IFIH1: variants seen among roughly 807,000 people sequenced by gnomAD.
IFIH1 encodes the protein interferon induced with helicase C domain 1.
Under a neutral mutation model 107.4 loss-of-function variants are expected in IFIH1, and 125 were observed. The observed-to-expected ratio is 1.16, with a 90% CI of 1.01 to 1.35. The LOEUF is 1.35. Ranked by LOEUF, IFIH1 falls within the 40% of genes most tolerant of loss-of-function variation. The probability of loss-of-function intolerance (pLI) is 0.00; values close to 1 mark genes in which losing one functional copy is unlikely to be tolerated. For missense variants in IFIH1, 1,333 were observed against 1,213.7 expected (o/e 1.10, Z -1.46); for synonymous variants, 458 against 413.2 (o/e 1.11, Z -1.31).
intron 4 of IFIH1, among the ~76,000 whole-genome samples, chr2:162,289,657 A>T (rs1319901985): frequency 1.3e-5 from 2 of 151,932 alleles, no homozygotes; most frequent in Admixed American, 1.3e-4. Context: ...ACTTGTTGTG[A>T]TAGTACTATC....
In IFIH1 at chr2:162,276,601, T is replaced by C. The variant is rs575601378; in HGVS notation, c.2304+86A>G. ...GCCTGAGTGACAGAGCGAGGCCTCGTCTGAAAGAAAAGAAGAAGAGAAGAA... is the reference window on the plus strand; with the variant it reads ...GCCTGAGTGACAGAGCGAGGCCTCGCCTGAAAGAAAAGAAGAAGAGAAGAA... On this transcript the variant is annotated intron_variant, in intron 11 of 15. Transcript: ENST00000649979. 1.2e-5 allele frequency: 17 copies of C among 1,444,430 alleles called. No homozygotes were observed. The African/African-American group carries it at 2.4e-4, about 21-fold the overall frequency. 89.5% of individuals were successfully genotyped at this position (1,444,430 alleles called of 1,614,324 possible). A position where few individuals can be genotyped will look rare whatever the true frequency, so the allele number is the denominator to read the frequency against.
Position 162,318,544 on chromosome 2 carries a change from C to T in IFIH1, c.-237G>A. ...GGCAGCGGGGCGGCGCGCGGGGCCG[C>T]GGCAGGCAGGTGCGGCCGGCAGGCG... is the stretch of plus-strand genomic sequence containing the variant. On this transcript the variant is annotated 5_prime_UTR_variant, in exon 1 of 16. Transcript: ENST00000649979. 3.5e-6 allele frequency: 1 copy of T among 286,614 alleles called. No homozygotes were observed. The highest frequency in any genetic ancestry group is 6.4e-6 in the Non-Finnish European group (1 of 157,274). 17.8% of individuals were successfully genotyped at this position (286,614 alleles called of 1,614,324 possible).
chr2:162,291,570 G>T (rs1199469493), intron 4 of IFIH1, among the ~76,000 whole-genome samples: 2 of 151,588 alleles, frequency 1.3e-5, no homozygotes, highest in Non-Finnish European at 3.0e-5. Context: ...GTCTACTATG[G>T]CATAACACTT....
chr2:162,268,425 C>T (rs1690969571), intron 13 of IFIH1, 148 bp from the exon 14 acceptor site: 4 of 558,882 alleles, frequency 7.2e-6, no homozygotes, highest in South Asian at 5.3e-5. Context: ...GAGGTAATGA[C>T]CCCCCAAAGA....
intron 3 of IFIH1, among the ~76,000 whole-genome samples, chr2:162,297,324 G>A (rs1221010624): frequency 2.0e-5 from 3 of 152,088 alleles, no homozygotes; most frequent in Admixed American, 6.6e-5. Context: ...AAGTCCTAAT[G>A]AATAAAGTCC....
intron 1 of IFIH1, among the ~76,000 whole-genome samples, chr2:162,313,796 G>T (rs1683424050): frequency 6.6e-6 from 1 of 152,058 alleles, no homozygotes; most frequent in African/African-American, 2.4e-5. Context: ...TTGTCACATT[G>T]ACATAGCTAA....
chr2:162,283,982 C>CTT (rs11321716), intron 5 of IFIH1, among the ~76,000 whole-genome samples: 2 of 146,368 alleles, frequency 1.4e-5, no homozygotes, highest in Non-Finnish European at 3.0e-5. Context: ...TCATTTAGTT[C>CTT]TTTTTTTTTT....
At chr2:162,284,555 T>C (rs1682865902) in intron 5 of IFIH1, among the ~76,000 whole-genome samples, 1 of 151,972 alleles carries the variant, frequency 6.6e-6, no homozygotes, top group Non-Finnish European at 1.5e-5. Context: ...ACCAGTGGAC[T>C]CAGAAGATAA....
intron 3 of IFIH1, among the ~76,000 whole-genome samples, chr2:162,298,188 A>C (rs1186148718): frequency 2.0e-5 from 3 of 152,188 alleles, no homozygotes; most frequent in Non-Finnish European, 2.9e-5. Flanking sequence ...CAAAGAGCTA[A>C]GCTCCATTAG....
In IFIH1 at chr2:162,277,603, A is replaced by G; in HGVS notation, c.1856T>C (p.Met619Thr). 1 of 1,613,282 alleles carries G rather than the reference A, an allele frequency of 6.2e-7. No individual in the cohort carries two copies. Among genetic ancestry groups the G allele is most frequent in the Non-Finnish European group, 8.5e-7 (1 of 1,179,454 alleles). ...TTCAAGATGAGTATACGCATCTATC[A>G]TTCGAATTGTGTCATTAATTTGTAG... is the stretch of plus-strand genomic sequence containing the variant. ...EALQINDTIRMIDAYTHLETF... is the reference protein window; with the variant it reads ...EALQINDTIRTIDAYTHLETF... The change falls in exon 10 of 16, where the codon ATG becomes ACG. Residue 619 changes from methionine (M) to threonine (T), a missense_variant. By Grantham distance (81) the Met-to-Thr change is moderately conservative (BLOSUM62 -1). Transcript: ENST00000649979.
In IFIH1 at chr2:162,277,686, T is replaced by C. The variant is rs747086201; in HGVS notation, c.1773A>G (p.Lys591=). 13 of 1,602,010 alleles carry C rather than the reference T, an allele frequency of 8.1e-6. No individual in the cohort carries two copies. The highest frequency in any genetic ancestry group is 1.0e-5 in the Non-Finnish European group (12 of 1,174,768). The part of the protein sequence containing the change: ...WAIQMEKKAA[K]EGNRKERVCA... ...AAACACGTTCTTTGCGATTTCCTTC[T>C]TTTGCAGCTGTGAAAAAATATATTA... The change falls in exon 10 of 16, where the codon AAA becomes AAG. Residue 591 remains lysine, a synonymous_variant. Transcript: ENST00000649979.
intron 3 of IFIH1, among the ~76,000 whole-genome samples, chr2:162,298,186 TA>T (rs1683128353): frequency 6.6e-6 from 1 of 152,200 alleles, no homozygotes; most frequent in African/African-American, 2.4e-5. Flanking sequence ...TTCAAAGAGC[TA>T]AGCTCCATTA....
chr2:162,311,680 C>T (rs1265521628), intron 1 of IFIH1, among the ~76,000 whole-genome samples: 1 of 151,850 alleles, frequency 6.6e-6, no homozygotes, highest in Non-Finnish European at 1.5e-5. Flanking sequence ...CAGTGCATTT[C>T]CCTAGGTCCT....
chr2:162,297,151 AACAC>A (rs1411413815), intron 3 of IFIH1, among the ~76,000 whole-genome samples: 6 of 151,972 alleles, frequency 3.9e-5, no homozygotes, highest in Non-Finnish European at 5.9e-5. Context: ...ATTACACACA[AACAC>A]ACACACACTC....
chr2:162,285,211 C>T (rs1402231828), intron 5 of IFIH1, among the ~76,000 whole-genome samples: 1 of 151,932 alleles, frequency 6.6e-6, no homozygotes, highest in Non-Finnish European at 1.5e-5. Flanking sequence ...TCTGAAGGAA[C>T]CTGGGATTTA....
intron 3 of IFIH1, among the ~76,000 whole-genome samples, chr2:162,303,963 G>A (rs79319493): frequency 1.9e-3 from 284 of 152,178 alleles, no homozygotes; most frequent in African/African-American, 6.4e-3. Context: ...TAGAGATGTC[G>A]AGTAGCTTGT....
chr2:162,279,002 T>A (rs1235166437), intron 8 of IFIH1, among the ~76,000 whole-genome samples: 1 of 152,098 alleles, frequency 6.6e-6, no homozygotes, highest in Non-Finnish European at 1.5e-5. Context: ...TTTGTACTTT[T>A]CTGTATGTAT....
chr2:162,303,273 C>G (rs1297266587), intron 3 of IFIH1, among the ~76,000 whole-genome samples: 1 of 152,132 alleles, frequency 6.6e-6, no homozygotes, highest in Non-Finnish European at 1.5e-5. Context: ...TGCCACCATG[C>G]TCGGCTAAGT....
At chr2:162,288,404 G>T (rs760719922) in intron 4 of IFIH1, 49 bp from the exon 5 acceptor site, 1 of 1,427,696 alleles carries the variant, frequency 7.0e-7, no homozygotes, top group Non-Finnish European at 9.8e-7. Flanking sequence ...CAAAATAACA[G>T]AGCTTAGGAA....
Sources: allele counts gnomAD v4.1 joint callset (sites outside exome capture counted in the v4.1 genomes callset), GRCh38; gene constraint gnomAD v4.1.1; transcripts MANE v1.5; gene names NCBI Gene and HGNC (gene_info 2026-07-23, HGNC 2026-07-21).